The following CPLANE2 variants were observed in gnomAD, a reference collection of about 807,000 sequenced individuals.
CPLANE2 encodes ciliogenesis and planar polarity effector complex subunit 2.
A neutral mutation model predicts 20.9 loss-of-function variants in CPLANE2; 24 were observed. The observed-to-expected ratio is 1.15, with a 90% CI of 0.83 to 1.61. The LOEUF is 1.61. Ranked by LOEUF, CPLANE2 falls within the 40% of genes most tolerant of loss-of-function variation. The pLI is 0.00. For synonymous variants in CPLANE2, 132 were observed against 144.3 expected (o/e 0.92, Z 0.61); for missense variants, 330 against 355.1 (o/e 0.93, Z 0.57).
chr1:16,236,950 A>G lies in CPLANE2; in HGVS notation c.-208T>C, dbSNP rs151117077. 1.7e-4 allele frequency: 97 copies of G among 572,412 alleles called. 1 individual carries two copies. The East Asian group carries it at 2.8e-3, about 17-fold the overall frequency. 35.5% of individuals were successfully genotyped at this position (572,412 alleles called of 1,614,324 possible). A position where few individuals can be genotyped will look rare whatever the true frequency, so the allele number is the denominator to read the frequency against. On this transcript the variant is annotated 5_prime_UTR_variant, in exon 1 of 5. Coordinates refer to ENST00000375599, the MANE Select transcript of CPLANE2 (RefSeq NM_030907.4). ...CATCCCATTACTGCCCATGGAGGGT[A>G]TTCACACAGCCCCTCTCCCCTTGTC...
intron 1 of CPLANE2, 24 bp from the exon 2 acceptor site, chr1:16,233,788 A>G: frequency 6.2e-7 from 1 of 1,613,744 alleles, no homozygotes; most frequent in South Asian, 1.1e-5. Context: ...AGAGCCAGGC[A>G]GGGTCAAGGG....
At chr1:16,232,822 G>A (rs993570619) in intron 3 of CPLANE2, 71 bp downstream of exon 3, 9 of 1,589,962 alleles carry the variant, frequency 5.7e-6, no homozygotes, top group Admixed American at 1.7e-5. Context: ...AGGTCTCTGA[G>A]CAGTGCCTTG....
At chr1:16,234,736 T>C (rs959180846) in intron 1 of CPLANE2, among the ~76,000 whole-genome samples, 1 of 152,090 alleles carries the variant, frequency 6.6e-6, no homozygotes, top group African/African-American at 2.4e-5. Flanking sequence ...TGTGGTTCTT[T>C]TTTGTTTTTT....
At chr1:16,232,871 C>T (rs2081434052) in intron 3 of CPLANE2, 22 bp downstream of exon 3, 2 of 1,613,678 alleles carry the variant, frequency 1.2e-6, no homozygotes, top group East Asian at 4.5e-5. Flanking sequence ...CAGAACCCAC[C>T]CAGGCCCACA....
At chr1:16,233,789 G>A (rs2081444125) in intron 1 of CPLANE2, 25 bp from the exon 2 acceptor site, 2 of 1,613,360 alleles carry the variant, frequency 1.2e-6, no homozygotes, top group Non-Finnish European at 1.7e-6. Flanking sequence ...GAGCCAGGCA[G>A]GGTCAAGGGG....
chr1:16,232,791 G>A (rs941673788), intron 3 of CPLANE2, 102 bp downstream of exon 3: 5 of 1,560,742 alleles, frequency 3.2e-6, no homozygotes, highest in Non-Finnish European at 4.4e-6. Context: ...CATGGGCTGG[G>A]ACTGTCTCCA....
At position 16,236,900 on chromosome 1, in the gene CPLANE2, C is replaced by T. The variant is rs2081469864; in HGVS notation, c.-158G>A. Reference sequence around the variant, plus strand: ...GTGCAGTCCCTCAGCCGCCTCTCTCCTTCGCAATGCTCCCTGGGGATAGTC... The same window carrying T: ...GTGCAGTCCCTCAGCCGCCTCTCTCTTTCGCAATGCTCCCTGGGGATAGTC... On this transcript the variant is annotated 5_prime_UTR_variant, in exon 1 of 5. Coordinates refer to ENST00000375599, the MANE Select transcript of CPLANE2 (RefSeq NM_030907.4). 1 of 633,032 alleles carries T rather than the reference C, an allele frequency of 1.6e-6. No individual in the cohort carries two copies. Among genetic ancestry groups the T allele is most frequent in the Admixed American group, 2.3e-5 (1 of 43,352 alleles). 39.2% of individuals were successfully genotyped at this position (633,032 alleles called of 1,614,324 possible).
chr1:16,236,563 C>A, intron 1 of CPLANE2, 68 bp downstream of exon 1: 1 of 1,236,772 alleles, frequency 8.1e-7, no homozygotes, highest in Non-Finnish European at 1.2e-6. Flanking sequence ...CCTCAGGGAG[C>A]AACAGGTGAC....
chr1:16,234,460 G>C (rs2081448861), intron 1 of CPLANE2, among the ~76,000 whole-genome samples: 1 of 152,154 alleles, frequency 6.6e-6, no homozygotes, highest in South Asian at 2.1e-4. Context: ...GCATAAAATG[G>C]ACTAAGACGC....
chr1:16,231,941 G>T lies in CPLANE2; in HGVS notation c.*107C>A. The stretch of plus-strand genomic sequence containing the variant: ...CTCTGGCCACATCCTCCCTGATCAG[G>T]CCATGCTGGCCAGTCCTCCAGATAG... On this transcript the variant is annotated 3_prime_UTR_variant, in exon 5 of 5. Transcript: ENST00000375599. 1.4e-6 allele frequency: 2 copies of T among 1,472,178 alleles called. No homozygotes were observed. The highest frequency in any genetic ancestry group is 1.9e-5 in the Admixed American group (1 of 53,992). The allele number at this position is 1,472,178 out of a possible 1,614,324, so 91.2% of individuals were successfully genotyped here.
chr1:16,231,888 A>T lies in CPLANE2; in HGVS notation c.*160T>A. On this transcript the variant is annotated 3_prime_UTR_variant, in exon 5 of 5. Transcript: ENST00000375599. ...CCACCTCCCTGCCATGAATTCTGCA[A>T]GGAAAGCGCTGCTCGCGGGTGGGCC... is the stretch of plus-strand genomic sequence containing the variant. The T allele has an allele frequency of 1.9e-6, 2 of 1,046,986 alleles. No homozygotes were observed. The highest frequency in any genetic ancestry group is 2.7e-6 in the Non-Finnish European group (2 of 734,474). The allele number at this position is 1,046,986 out of a possible 1,614,324, so 64.9% of individuals were successfully genotyped here.
chr1:16,233,545 C>A, intron 2 of CPLANE2, 67 bp downstream of exon 2: 1 of 1,576,806 alleles, frequency 6.3e-7, no homozygotes, highest in South Asian at 1.1e-5. Flanking sequence ...TGGTCCAGGG[C>A]CAGGTTCTTG....
At chr1:16,236,551 C>T (rs1275991037) in intron 1 of CPLANE2, 80 bp downstream of exon 1, 2 of 1,126,296 alleles carry the variant, frequency 1.8e-6, no homozygotes, top group Non-Finnish European at 2.6e-6. Flanking sequence ...CCTCTCTGCT[C>T]TCCTCAGGGA....
chr1:16,233,134 G>T (rs1294334492), intron 2 of CPLANE2, 117 bp from the exon 3 acceptor site: 4 of 1,143,018 alleles, frequency 3.5e-6, no homozygotes, highest in Non-Finnish European at 5.1e-6. Flanking sequence ...TCCCTAGTTT[G>T]ATGAGGGAGG....
chr1:16,235,389 C>T (rs1374105415), intron 1 of CPLANE2, among the ~76,000 whole-genome samples: 5 of 152,188 alleles, frequency 3.3e-5, no homozygotes, highest in Admixed American at 6.5e-5. Context: ...CAACTAAATG[C>T]AAAATAAATA....
intron 1 of CPLANE2, among the ~76,000 whole-genome samples, chr1:16,236,346 C>G (rs1008058936): frequency 6.6e-6 from 1 of 152,252 alleles, no homozygotes; most frequent in African/African-American, 2.4e-5. Context: ...GGCCTGGCAC[C>G]AGGGGAGTGC....
intron 2 of CPLANE2, 24 bp downstream of exon 2, chr1:16,233,588 G>A (rs1360019017): frequency 6.2e-7 from 1 of 1,612,714 alleles, no homozygotes; most frequent in Non-Finnish European, 8.5e-7. Flanking sequence ...CCCAGGATGG[G>A]CAAAGGATAG....
chr1:16,232,061 C>G lies in CPLANE2; in HGVS notation c.764G>C (p.Ser255Thr), dbSNP rs775366241. The change falls in exon 5 of 5, where the codon AGT becomes ACT. Residue 255 changes from serine (S) to threonine (T), a missense_variant. Ser to Thr is a moderately conservative substitution (Grantham distance 58, BLOSUM62 1). Coordinates refer to ENST00000375599, the MANE Select transcript of CPLANE2 (RefSeq NM_030907.4). Reference sequence around the variant, plus strand: ...ACCACTCGTGACTCATTCAGGAGCACTCTCTGGGGGGTTGGGAAGCAGGCC... The same window carrying G: ...ACCACTCGTGACTCATTCAGGAGCAGTCTCTGGGGGGTTGGGAAGCAGGCC... ...AAGLLPNPPE[S>T]APE The G allele has an allele frequency of 2.1e-5, 34 of 1,612,784 alleles. No homozygotes were observed. Among genetic ancestry groups the G allele is most frequent in the Non-Finnish European group, 2.7e-5 (32 of 1,179,788 alleles).
chr1:16,231,944 A>T lies in CPLANE2; in HGVS notation c.*104T>A. On this transcript the variant is annotated 3_prime_UTR_variant, in exon 5 of 5. Coordinates refer to ENST00000375599, the MANE Select transcript of CPLANE2 (RefSeq NM_030907.4). ...TGGCCACATCCTCCCTGATCAGGCC[A>T]TGCTGGCCAGTCCTCCAGATAGGAT... is the stretch of plus-strand genomic sequence containing the variant. 6.7e-7 allele frequency: 1 copy of T among 1,492,204 alleles called. No homozygotes were observed. Among genetic ancestry groups the T allele is most frequent in the Non-Finnish European group, 9.1e-7 (1 of 1,101,828 alleles). 92.4% of individuals were successfully genotyped at this position (1,492,204 alleles called of 1,614,324 possible). A position where few individuals can be genotyped will look rare whatever the true frequency, so the allele number is the denominator to read the frequency against.
Sources: allele counts gnomAD v4.1 joint callset (sites outside exome capture counted in the v4.1 genomes callset), GRCh38; gene constraint gnomAD v4.1.1; transcripts MANE v1.5; gene names NCBI Gene and HGNC (gene_info 2026-07-23, HGNC 2026-07-21).